The following CCDC71 variants were observed in gnomAD, a reference collection of about 807,000 sequenced individuals.
CCDC71 encodes coiled-coil domain containing 71.
For synonymous variants in CCDC71, 257 were observed against 242.2 expected, an observed-to-expected ratio of 1.06 and a Z score of -0.57; for missense variants, 594 against 604.0, an observed-to-expected ratio of 0.98 and a Z score of 0.17.
At chr3:49,164,319 CAT>C in intron 1 of CCDC71, 59 bp from the exon 2 acceptor site, 1 of 1,008,920 alleles carries the variant, frequency 9.9e-7, no homozygotes, top group Non-Finnish European at 1.5e-6. Context: ...GGCCAGAACA[CAT>C]AGACAAGTCA....
At chr3:49,165,709 T>A (rs1392003507) in intron 1 of CCDC71, among the ~76,000 whole-genome samples, 1 of 152,266 alleles carries the variant, frequency 6.6e-6, no homozygotes, top group Non-Finnish European at 1.5e-5. Context: ...TTTGAAGGGA[T>A]GTAGTTCCCA....
Position 49,163,399 on chromosome 3 carries a change from C to A in CCDC71, c.810G>T (p.Met270Ile). 1 of 1,614,146 alleles carries A rather than the reference C, an allele frequency of 6.2e-7. No individual in the cohort carries two copies. The highest frequency in any genetic ancestry group is 8.5e-7 in the Non-Finnish European group (1 of 1,180,030). The change falls in exon 2 of 2, where the codon ATG becomes ATT. Residue 270 changes from methionine to isoleucine, a missense_variant. Coordinates refer to ENST00000321895, the MANE Select transcript of CCDC71 (RefSeq NM_022903.4). ...TGGTGCCCAGGGCAGAGCCCCCTTTCATTCGCCGGACACTGGGGGACCCAG... is the reference window on the plus strand; with the variant it reads ...TGGTGCCCAGGGCAGAGCCCCCTTTAATTCGCCGGACACTGGGGGACCCAG... Reference protein sequence around the residue: ...RATGSPSVRRMKGGSALGTKT... With the variant: ...RATGSPSVRRIKGGSALGTKT...
rs2045708146 is a variant in CCDC71, at chr3:49,163,869, C to T, written c.340G>A (p.Ala114Thr). The T allele has an allele frequency of 6.2e-7, 1 of 1,614,198 alleles. No individual in the cohort carries two copies. The highest frequency in any genetic ancestry group is 8.5e-7 in the Non-Finnish European group (1 of 1,180,044). ...RTAMRLPAGR[A>T]TLLPMPLSGR... ...GATAGCGGCATGGGAAGCAGTGTGG[C>T]CCGACCTGCAGGCAACCGCATGGCA... is the stretch of plus-strand genomic sequence containing the variant. Residue 114 changes from alanine (A) to threonine (T), a missense_variant, in exon 2 of 2, where the codon GCC (alanine) becomes ACC (threonine). Coordinates refer to ENST00000321895, the MANE Select transcript of CCDC71 (RefSeq NM_022903.4).
chr3:49,162,960 C>T lies in CCDC71; in HGVS notation c.1249G>A (p.Gly417Arg), dbSNP rs770100052. The T allele has an allele frequency of 6.2e-7, 1 of 1,614,248 alleles. No homozygotes were observed. The highest frequency in any genetic ancestry group is 8.5e-7 in the Non-Finnish European group (1 of 1,180,048). Residue 417 changes from glycine (G) to arginine (R), a missense_variant, in exon 2 of 2, where the codon GGG (glycine) becomes AGG (arginine). Transcript: ENST00000321895. ...LGPRSPKAWLGPGTAKLLKFR... is the reference protein window; with the variant it reads ...LGPRSPKAWLRPGTAKLLKFR... ...TTCAGCAGCTTTGCTGTTCCAGGCCCTAGCCATGCCTTAGGAGATCGGGGC... is the reference window on the plus strand; with the variant it reads ...TTCAGCAGCTTTGCTGTTCCAGGCCTTAGCCATGCCTTAGGAGATCGGGGC...
Position 49,162,666 on chromosome 3 carries a change from A to G in CCDC71, c.*139T>C. 1 of 287,632 alleles carries G rather than the reference A, an allele frequency of 3.5e-6. No individual in the cohort carries two copies. The highest frequency in any genetic ancestry group is 5.2e-6 in the Non-Finnish European group (1 of 190,966). 17.8% of individuals were successfully genotyped at this position (287,632 alleles called of 1,614,324 possible). A position where few individuals can be genotyped will look rare whatever the true frequency, so the allele number is the denominator to read the frequency against. On this transcript the variant is annotated 3_prime_UTR_variant, in exon 2 of 2. Transcript: ENST00000321895. Reference sequence around the variant, plus strand: ...GTACCCCACCCACTCTGGTTTCTGAAAGGAGGCTGGTGGTCACCAGGGCCC... The same window carrying G: ...GTACCCCACCCACTCTGGTTTCTGAGAGGAGGCTGGTGGTCACCAGGGCCC...
Position 49,162,556 on chromosome 3 carries a change from A to T in CCDC71, c.*249T>A, listed in dbSNP as rs1189413721. 6 of 565,010 alleles carry T rather than the reference A, an allele frequency of 1.1e-5. No individual in the cohort carries two copies. Among genetic ancestry groups the T allele is most frequent in the Non-Finnish European group, 1.9e-5 (6 of 317,016 alleles). 35.0% of individuals were successfully genotyped at this position (565,010 alleles called of 1,614,324 possible). A position where few individuals can be genotyped will look rare whatever the true frequency, so the allele number is the denominator to read the frequency against. ...AAGGTGGAAAGGTATAAAACGTGATAGATGGAACAGTAGACATACAACTTG... is the reference window on the plus strand; with the variant it reads ...AAGGTGGAAAGGTATAAAACGTGATTGATGGAACAGTAGACATACAACTTG... On this transcript the variant is annotated 3_prime_UTR_variant, in exon 2 of 2. Coordinates refer to ENST00000321895, the MANE Select transcript of CCDC71 (RefSeq NM_022903.4).
At position 49,163,650 on chromosome 3, in the gene CCDC71, T is replaced by G. The variant is rs754673656; in HGVS notation, c.559A>C (p.Thr187Pro). The change falls in exon 2 of 2, where the codon ACT (threonine) becomes CCT (proline). Residue 187 changes from threonine (T) to proline (P), a missense_variant. By Grantham distance (38) the Thr-to-Pro change is conservative. Coordinates refer to ENST00000321895, the MANE Select transcript of CCDC71 (RefSeq NM_022903.4). ...TTGGCACCCAAGCAGGGCATGGGAG[T>G]CTTAAGTGGAACCAGGGCCTCAAGG... Reference protein sequence around the residue: ...VVLEALVPLKTPMPCLGAKHK... With the variant: ...VVLEALVPLKPPMPCLGAKHK... The G allele has an allele frequency of 8.1e-6, 13 of 1,613,608 alleles. No individual in the cohort carries two copies. The highest frequency in any genetic ancestry group is 1.1e-5 in the Non-Finnish European group (13 of 1,179,942).
In CCDC71 at chr3:49,163,240, TTTGGCCTTAGCC is replaced by T. The variant is rs759594646; in HGVS notation, c.957_968del (p.Lys323_Ala326del). The stretch of plus-strand genomic sequence containing the variant: ...TGGCCTTGACCTGTGCTGCCTTAGC[TTTGGCCTTAGCC>T]TTGACCTGTGCTGCCTTGGCCTTGG... On this transcript the variant is annotated inframe_deletion, in exon 2 of 2. Transcript: ENST00000321895. The T allele has an allele frequency of 1.3e-6, 2 of 1,571,772 alleles. No individual in the cohort carries two copies. The highest frequency in any genetic ancestry group is 2.3e-5 in the South Asian group (2 of 87,880).
At position 49,163,748 on chromosome 3, in the gene CCDC71, G is replaced by A; in HGVS notation, c.461C>T (p.Ala154Val). Residue 154 changes from alanine to valine, a missense_variant, in exon 2 of 2, where the codon GCC (alanine) becomes GTC (valine). Transcript: ENST00000321895. Reference protein sequence around the residue: ...SSLKQSSASHARGAAVGFPTH... With the variant: ...SSLKQSSASHVRGAAVGFPTH... Reference sequence around the variant, plus strand: ...GGGGAAGCCCACTGCTGCACCCCGGGCATGGCTGGCACTTGATTGCTTCAG... The same window carrying A: ...GGGGAAGCCCACTGCTGCACCCCGGACATGGCTGGCACTTGATTGCTTCAG... The A allele has an allele frequency of 2.5e-6, 4 of 1,614,098 alleles. No homozygotes were observed. The highest frequency in any genetic ancestry group is 3.4e-6 in the Non-Finnish European group (4 of 1,180,028).
chr3:49,163,220 T>C lies in CCDC71; in HGVS notation c.989A>G (p.Lys330Arg). 1 of 1,571,876 alleles carries C rather than the reference T, an allele frequency of 6.4e-7. No homozygotes were observed. The highest frequency in any genetic ancestry group is 8.7e-7 in the Non-Finnish European group (1 of 1,148,866). The change falls in exon 2 of 2, where the codon AAG becomes AGG. Residue 330 changes from lysine (K) to arginine (R), a missense_variant. Lys to Arg is a conservative substitution (Grantham distance 26, BLOSUM62 2). Transcript: ENST00000321895. ...AKAKAKAAQV[K>R]AKAKVMAAWA... ...TGCTGCCATGACTTTGGCCTTGGCC[T>C]TGACCTGTGCTGCCTTAGCTTTGGC...
chr3:49,163,566 T>C lies in CCDC71; in HGVS notation c.643A>G (p.Ser215Gly). ...GGGTTCCCCGGACCCTTCCCTGAAC[T>C]TTTCCGCAGTTTCAGAGGAGAGTCT... Reference protein sequence around the residue: ...LADSPLKLRKSSGKGPGNPRP... With the variant: ...LADSPLKLRKGSGKGPGNPRP... The change falls in exon 2 of 2, where the codon AGT (serine) becomes GGT (glycine). Residue 215 changes from serine (S) to glycine (G), a missense_variant. Ser to Gly is a moderately conservative substitution (Grantham distance 56). Transcript: ENST00000321895. The C allele has an allele frequency of 6.2e-7, 1 of 1,614,186 alleles. No individual in the cohort carries two copies. The highest frequency in any genetic ancestry group is 8.5e-7 in the Non-Finnish European group (1 of 1,180,010).
rs746428527 is a variant in CCDC71, at chr3:49,163,205, A to T, written c.1004T>A (p.Val335Asp). The T allele has an allele frequency of 6.4e-7, 1 of 1,572,208 alleles. No homozygotes were observed. The highest frequency in any genetic ancestry group is 1.1e-5 in the South Asian group (1 of 87,602). ...KAAQVKAKAK[V>D]MAAWAKAKAK... The stretch of plus-strand genomic sequence containing the variant: ...CTTGGCCTTGGCCCATGCTGCCATG[A>T]CTTTGGCCTTGGCCTTGACCTGTGC... Residue 335 changes from valine to aspartate, a missense_variant, in exon 2 of 2, where the codon GTC becomes GAC. Coordinates refer to ENST00000321895, the MANE Select transcript of CCDC71 (RefSeq NM_022903.4).
chr3:49,165,089 T>A (rs941604441), intron 1 of CCDC71, among the ~76,000 whole-genome samples: 1 of 152,120 alleles, frequency 6.6e-6, no homozygotes, highest in Non-Finnish European at 1.5e-5. Context: ...GGAGACCTAA[T>A]CAAGAGTCGG....
In CCDC71 at chr3:49,163,269, T is replaced by TGGCCTTGGCCCGGGCCTTAGC. The variant is rs1560085767; in HGVS notation, c.919_939dup (p.Ala307_Ala313dup). The TGGCCTTGGCCCGGGCCTTAGC allele has an allele frequency of 1.3e-6, 2 of 1,589,948 alleles. No individual in the cohort carries two copies. Among genetic ancestry groups the TGGCCTTGGCCCGGGCCTTAGC allele is most frequent in the African/African-American group, 1.3e-5 (1 of 74,454 alleles). On this transcript the variant is annotated inframe_insertion, in exon 2 of 2. Transcript: ENST00000321895. ...GCCTTAGCCTTGACCTGTGCTGCCT[T>TGGCCTTGGCCCGGGCCTTAGC]GGCCTTGGCCCGGGCCTTAGCAGCC...
chr3:49,165,776 G>A (rs369645020), intron 1 of CCDC71, among the ~76,000 whole-genome samples: 3 of 152,264 alleles, frequency 2.0e-5, no homozygotes, highest in East Asian at 1.9e-4. Context: ...ACGCGCCCCA[G>A]CGCAAATATT....
At chr3:49,165,720 G>A (rs2045719722) in intron 1 of CCDC71, among the ~76,000 whole-genome samples, 1 of 152,272 alleles carries the variant, frequency 6.6e-6, no homozygotes, top group South Asian at 2.1e-4. Context: ...GTAGTTCCCA[G>A]AGCTGTGAAC....
chr3:49,163,504 G>A lies in CCDC71; in HGVS notation c.705C>T (p.Gly235=). The A allele has an allele frequency of 6.2e-7, 1 of 1,614,236 alleles. No homozygotes were observed. The highest frequency in any genetic ancestry group is 8.5e-7 in the Non-Finnish European group (1 of 1,180,032). ...PKAPRKTTSK[G]PKCLTRKGPG... ...GGCCTTTGCGAGTCAGACACTTGGGGCCCTTGCTTGTGGTTTTTCTGGGAG... is the reference window on the plus strand; with the variant it reads ...GGCCTTTGCGAGTCAGACACTTGGGACCCTTGCTTGTGGTTTTTCTGGGAG... Residue 235 remains glycine, a synonymous_variant, in exon 2 of 2, where the codon GGC becomes GGT. Transcript: ENST00000321895.
rs780161913 is a variant in CCDC71, at chr3:49,163,128, T to C, written c.1081A>G (p.Arg361Gly). 1.2e-6 allele frequency: 2 copies of C among 1,614,242 alleles called. No individual in the cohort carries two copies. Among genetic ancestry groups the C allele is most frequent in the South Asian group, 1.1e-5 (1 of 91,088 alleles). Residue 361 changes from arginine to glycine, a missense_variant, in exon 2 of 2, where the codon AGG (arginine) becomes GGG (glycine). Arg to Gly is a moderately radical substitution (Grantham distance 125). Transcript: ENST00000321895. The stretch of plus-strand genomic sequence containing the variant: ...GATCCCTTTGGCCTGCCTCTGCCCC[T>C]GGGCTGGGTCCGAGCCACCTTGGCC... ...AKAKVARTQP[R>G]GRGRPKGSAK... is the part of the protein sequence containing the mutation.
chr3:49,162,698 G>C lies in CCDC71; in HGVS notation c.*107C>G. The stretch of plus-strand genomic sequence containing the variant: ...CTGGTGGTCACCAGGGCCCTAGAGA[G>C]GCACCGGGAGTCCTCAAGATTGTGG... On this transcript the variant is annotated 3_prime_UTR_variant, in exon 2 of 2. Transcript: ENST00000321895. The C allele has an allele frequency of 2.0e-6, 2 of 989,494 alleles. No individual in the cohort carries two copies. The highest frequency in any genetic ancestry group is 5.8e-5 in the East Asian group (1 of 17,222). 61.3% of individuals were successfully genotyped at this position (989,494 alleles called of 1,614,324 possible). A position where few individuals can be genotyped will look rare whatever the true frequency, so the allele number is the denominator to read the frequency against.
Sources: gnomAD v4.1 joint callset for allele counts (sites outside exome capture counted in the v4.1 genomes callset) on GRCh38, gnomAD v4.1.1 for gene constraint, MANE v1.5 for transcripts, NCBI Gene and HGNC (gene_info 2026-07-23, HGNC 2026-07-21) for gene names.